Variants in DPYD observed in about 807,000 individuals in gnomAD.
DPYD encodes the protein dihydropyrimidine dehydrogenase [NADP(+)].
In DPYD, 109 loss-of-function variants were observed where a neutral mutation model predicts 116.2. The ratio of observed to expected loss-of-function variants is 0.94; its 90% CI spans 0.80 to 1.10. The LOEUF (loss-of-function observed/expected upper bound fraction) is 1.10, where lower values mean the gene tolerates loss of function less well. Ranked by LOEUF, DPYD falls within the 50% of genes least tolerant of loss-of-function variation. The pLI is 0.00. For missense variants in DPYD, 1,302 were observed against 1,254.5 expected (o/e 1.04, Z -0.57); for synonymous variants, 440 against 432.0 (o/e 1.02, Z -0.23).
intron 20 of DPYD, among the ~76,000 whole-genome samples, chr1:97,115,385 A>G (rs916837878): frequency 1.3e-5 from 2 of 152,200 alleles, no homozygotes; most frequent in Admixed American, 1.3e-4. Flanking sequence ...AAGTTCTAAA[A>G]TAGCAAATTG....
intron 5 of DPYD, among the ~76,000 whole-genome samples, chr1:97,714,795 G>A (rs1662517108): frequency 6.6e-6 from 1 of 152,038 alleles, no homozygotes; most frequent in African/African-American, 2.4e-5. Flanking sequence ...CCTAGAAGAT[G>A]CAACAGATAC....
At chr1:97,547,847 C>A (rs1651020524) in intron 12 of DPYD, among the ~76,000 whole-genome samples, 1 of 152,000 alleles carries the variant, frequency 6.6e-6, no homozygotes, top group African/African-American at 2.4e-5. Context: ...TTCTGGGACA[C>A]CACGGTTTGG....
At chr1:97,269,130 T>TA (rs1664414615) in intron 18 of DPYD, among the ~76,000 whole-genome samples, 1 of 152,204 alleles carries the variant, frequency 6.6e-6, no homozygotes, top group Non-Finnish European at 1.5e-5. Flanking sequence ...TCCTAGAACA[T>TA]AGACACAATT....
intron 3 of DPYD, among the ~76,000 whole-genome samples, chr1:97,765,998 C>A (rs1216084965): frequency 1.3e-5 from 2 of 152,136 alleles, no homozygotes; most frequent in African/African-American, 4.8e-5. Flanking sequence ...AATCGCAGCA[C>A]TTCAGGAGGC....
intron 8 of DPYD, among the ~76,000 whole-genome samples, chr1:97,648,945 G>T (rs892220414): frequency 1.9e-4 from 29 of 151,898 alleles, no homozygotes; most frequent in African/African-American, 6.8e-4. Context: ...GTCCTATATT[G>T]AATCTAAATT....
chr1:97,766,984 A>T lies in DPYD; in HGVS notation c.234-26505T>A, dbSNP rs7537094. On this transcript the variant is annotated intron_variant, in intron 3 of 22. Coordinates refer to ENST00000370192, the MANE Select transcript of DPYD (RefSeq NM_000110.4). ...GTACCATGTGAAAAAATAAACAGGG[A>T]AGTTACTCCCAAGGAGCAAAGGCAG... Among the ~76,000 whole-genome samples the T allele has an allele frequency of 8.5e-3, 1,296 of 152,294 alleles. 17 individuals are homozygous for T. The highest frequency in any genetic ancestry group is 0.029 in the African/African-American group (1,193 of 41,558).
intron 3 of DPYD, among the ~76,000 whole-genome samples, chr1:97,750,838 G>C (rs1235060815): frequency 6.6e-6 from 1 of 152,162 alleles, no homozygotes; most frequent in Non-Finnish European, 1.5e-5. Context: ...AGGGCCAACT[G>C]AGGGACTTGA....
At chr1:97,596,993 G>A (rs1654931367) in intron 8 of DPYD, among the ~76,000 whole-genome samples, 1 of 152,144 alleles carries the variant, frequency 6.6e-6, no homozygotes, top group Non-Finnish European at 1.5e-5. Flanking sequence ...GACATAAAAA[G>A]GTATATTAGT....
At chr1:97,181,818 A>G (rs1042885809) in intron 20 of DPYD, among the ~76,000 whole-genome samples, 3 of 152,192 alleles carry the variant, frequency 2.0e-5, no homozygotes, top group Admixed American at 2.0e-4. Flanking sequence ...ACGAATAGTT[A>G]TAATAACAAC....
rs1044356788 is a variant in DPYD at position 97,682,011 on chromosome 1, G to C, written c.763-2829C>G. Among the ~76,000 whole-genome samples, 5 of 152,172 alleles carry C rather than the reference G, an allele frequency of 3.3e-5. 1 individual carries two copies. Among genetic ancestry groups the C allele is most frequent in the Non-Finnish European group, 5.9e-5 (4 of 67,964 alleles). On this transcript the variant is annotated intron_variant, in intron 7 of 22. Coordinates refer to ENST00000370192, the MANE Select transcript of DPYD (RefSeq NM_000110.4). ...TTGAGGTGGGTATTTGTGGGAGAAG[G>C]CACAATAGTTTAGTTTAATAGTAGC...
At chr1:97,703,852 A>G (rs1318765864) in intron 5 of DPYD, among the ~76,000 whole-genome samples, 2 of 151,412 alleles carry the variant, frequency 1.3e-5, no homozygotes, top group East Asian at 3.9e-4. Flanking sequence ...GATTTTTATG[A>G]CTACATGTTC....
intron 18 of DPYD, among the ~76,000 whole-genome samples, chr1:97,285,986 T>C (rs1177421853): frequency 6.6e-6 from 1 of 152,220 alleles, no homozygotes; most frequent in African/African-American, 2.4e-5. Flanking sequence ...GTTATTTTGC[T>C]CATTAATTGA....
intron 8 of DPYD, among the ~76,000 whole-genome samples, chr1:97,657,893 T>C (rs945028726): frequency 2.0e-5 from 3 of 152,198 alleles, no homozygotes; most frequent in African/African-American, 7.2e-5. Context: ...CTAATTAGAA[T>C]TATTCCTGAA....
chr1:97,567,864 A>G (rs182251571), intron 11 of DPYD, among the ~76,000 whole-genome samples: 153 of 92,904 alleles, frequency 1.6e-3, no homozygotes, highest in African/African-American at 4.9e-3. Context: ...GAAATTCAAA[A>G]TGGAGATTTC....
At chr1:97,213,799 T>C (rs1660197786) in intron 19 of DPYD, among the ~76,000 whole-genome samples, 1 of 152,178 alleles carries the variant, frequency 6.6e-6, no homozygotes. Context: ...TTTCCTTGTC[T>C]TCTTCCTCCT....
chr1:97,304,804 T>A (rs2101033988), intron 18 of DPYD, among the ~76,000 whole-genome samples: 1 of 152,100 alleles, frequency 6.6e-6, no homozygotes, highest in South Asian at 2.1e-4. Flanking sequence ...TCTTGTCAGC[T>A]GATGCTTAAT....
intron 18 of DPYD, among the ~76,000 whole-genome samples, chr1:97,273,679 T>C (rs1214486411): frequency 2.0e-5 from 3 of 152,308 alleles, no homozygotes; most frequent in Non-Finnish European, 2.9e-5. Flanking sequence ...AGGATTTGTA[T>C]GTTTATTGCT....
intron 18 of DPYD, among the ~76,000 whole-genome samples, chr1:97,297,452 A>G (rs1458151355): frequency 6.6e-6 from 1 of 152,176 alleles, no homozygotes; most frequent in African/African-American, 2.4e-5. Context: ...TGTCTGTCAG[A>G]GAAGGTTTCA....
At chr1:97,302,284 G>A (rs530768882) in intron 18 of DPYD, among the ~76,000 whole-genome samples, 1 of 152,026 alleles carries the variant, frequency 6.6e-6, no homozygotes, top group South Asian at 2.1e-4. Context: ...ATCCTTGTTT[G>A]ATAAAAAATA....
Sources: allele counts gnomAD v4.1 joint callset (sites outside exome capture counted in the v4.1 genomes callset), GRCh38; gene constraint gnomAD v4.1.1; transcripts MANE v1.5; gene names NCBI Gene and HGNC (gene_info 2026-07-23, HGNC 2026-07-21).